The following ROPN1L variants were observed in gnomAD, a reference collection of about 807,000 sequenced individuals.
ROPN1L encodes the protein rhophilin associated tail protein 1 like.
A neutral mutation model predicts 22.7 loss-of-function variants in ROPN1L; 23 were observed. The observed-to-expected ratio is 1.01, with a 90% CI of 0.73 to 1.43. ROPN1L has a LOEUF of 1.43. Ranked by LOEUF, ROPN1L falls within the 40% of genes most tolerant of loss-of-function variation. The pLI is 0.00. For synonymous variants in ROPN1L, 116 were observed against 117.8 expected, an observed-to-expected ratio of 0.98 and a Z score of 0.10; for missense variants, 271 against 291.5, an observed-to-expected ratio of 0.93 and a Z score of 0.51.
chr5:10,462,574 G>A (rs1735054857), intron 4 of ROPN1L, among the ~76,000 whole-genome samples: 1 of 152,192 alleles, frequency 6.6e-6, no homozygotes, highest in African/African-American at 2.4e-5. Flanking sequence ...AGCATGTCAG[G>A]TGGTACTAAA....
At chr5:10,475,829 T>A (rs1050826667), downstream of ROPN1L, among the ~76,000 whole-genome samples, 1 of 152,142 alleles carries the variant, frequency 6.6e-6, no homozygotes, top group African/African-American at 2.4e-5. Context: ...AAGTAACAAA[T>A]CACACAGTGG....
chr5:10,450,665 T>G (rs945341807), intron 3 of ROPN1L, among the ~76,000 whole-genome samples: 2 of 152,122 alleles, frequency 1.3e-5, no homozygotes, highest in African/African-American at 4.8e-5. Flanking sequence ...CCACCATGCC[T>G]GGCTAATTTT....
chr5:10,457,675 C>T (rs1249720883), intron 3 of ROPN1L, among the ~76,000 whole-genome samples: 1 of 152,176 alleles, frequency 6.6e-6, no homozygotes, highest in East Asian at 1.9e-4. Context: ...CATTTTGTCC[C>T]ATAGCCTGGA....
chr5:10,474,686 A>G (rs985359280), downstream of ROPN1L, among the ~76,000 whole-genome samples: 9 of 152,246 alleles, frequency 5.9e-5, no homozygotes, highest in African/African-American at 2.2e-4. Flanking sequence ...TGGACGCTCC[A>G]CCCATGGAGA....
At chr5:10,445,637 G>A (rs1404439803) in intron 1 of ROPN1L, among the ~76,000 whole-genome samples, 2 of 152,182 alleles carry the variant, frequency 1.3e-5, no homozygotes, top group Non-Finnish European at 2.9e-5. Flanking sequence ...TATAGAACAA[G>A]CAAGTAGGCT....
the ROPN1L span, among the ~76,000 whole-genome samples, chr5:10,478,300 A>G: frequency 1.3e-5 from 2 of 152,224 alleles, no homozygotes; most frequent in African/African-American, 2.4e-5. Context: ...TCTGGCTCCC[A>G]GTTTCCCAGT....
the ROPN1L span, among the ~76,000 whole-genome samples, chr5:10,477,782 T>C: frequency 1.4e-4 from 22 of 151,980 alleles, no homozygotes; most frequent in Admixed American, 4.6e-4. Context: ...ATACAAAAAT[T>C]AGCTGGGTAT....
chr5:10,459,851 C>T (rs1266548376), intron 3 of ROPN1L, among the ~76,000 whole-genome samples: 1 of 152,220 alleles, frequency 6.6e-6, no homozygotes, highest in South Asian at 2.1e-4. Flanking sequence ...CATGAGCAGG[C>T]GTTAGGTGTC....
intron 3 of ROPN1L, among the ~76,000 whole-genome samples, chr5:10,451,920 C>T (rs987558432): frequency 6.9e-5 from 5 of 71,992 alleles, no homozygotes; most frequent in African/African-American, 2.1e-4. Context: ...TAATCTGGAA[C>T]TCTGTGAAAT....
chr5:10,471,495 A>G (rs147426656), intron 4 of ROPN1L, among the ~76,000 whole-genome samples: 380 of 152,266 alleles, frequency 2.5e-3, no homozygotes, highest in African/African-American at 8.7e-3. Context: ...GCGGCCTGTT[A>G]GGAATACTGG....
intron 1 of ROPN1L, among the ~76,000 whole-genome samples, chr5:10,446,380 C>T (rs1361401983): frequency 2.6e-5 from 4 of 152,048 alleles, no homozygotes; most frequent in Non-Finnish European, 2.9e-5. Flanking sequence ...GTCTCCAGGC[C>T]GGGTGCGGTG....
downstream of ROPN1L, among the ~76,000 whole-genome samples, chr5:10,469,751 A>G (rs569910782): frequency 4.6e-5 from 7 of 152,308 alleles, no homozygotes; most frequent in African/African-American, 1.7e-4. Context: ...TGTATTTTTC[A>G]TCTCTAAAGA....
chr5:10,450,584 C>T lies in ROPN1L; in HGVS notation c.417+471C>T, dbSNP rs1254856526. On this transcript the variant is annotated intron_variant, in intron 3 of 4. Coordinates refer to ENST00000274134, the MANE Select transcript of ROPN1L (RefSeq NM_031916.5). ...CGCAATCTCGGCTCACCGCAACCTC[C>T]GCCTCCCAGGTTCAAGCGATTCCCT... Among the ~76,000 whole-genome samples the T allele has an allele frequency of 4.6e-5, 7 of 152,112 alleles. 1 individual carries two copies. Among genetic ancestry groups the T allele is most frequent in the African/African-American group, 7.2e-5 (3 of 41,398 alleles).
At chr5:10,468,441 G>T (rs181087106), downstream of ROPN1L, among the ~76,000 whole-genome samples, 532 of 152,296 alleles carry the variant, frequency 3.5e-3, 2 homozygotes, top group African/African-American at 0.012. Context: ...TGTTGATTTT[G>T]ACTCTTCTTG....
At position 10,455,834 on chromosome 5, in the gene ROPN1L, G is replaced by C. The variant is rs112711457; in HGVS notation, c.418-5350G>C. Among the ~76,000 whole-genome samples the C allele has an allele frequency of 6.3e-4, 88 of 139,772 alleles. No homozygotes were observed. In the South Asian group the frequency reaches 9.4e-3, roughly 15 times the overall value. 91.7% of individuals were successfully genotyped at this position (139,772 alleles called of 152,430 possible). A position where few individuals can be genotyped will look rare whatever the true frequency, so the allele number is the denominator to read the frequency against. On this transcript the variant is annotated intron_variant, in intron 3 of 4. Coordinates refer to ENST00000274134, the MANE Select transcript of ROPN1L (RefSeq NM_031916.5). ...TCAGAGGCTTTTAAAAACCAGTGCT[G>C]GGTCAGAGGCTTTTAAAAACCAGTG...
chr5:10,482,466 A>G, the ROPN1L span, among the ~76,000 whole-genome samples: 18 of 152,324 alleles, frequency 1.2e-4, no homozygotes, highest in Admixed American at 1.0e-3. Context: ...TTTTGATAAC[A>G]TCAATGTCAT....
downstream of ROPN1L, among the ~76,000 whole-genome samples, chr5:10,466,433 G>A (rs566473699): frequency 2.6e-5 from 4 of 152,296 alleles, no homozygotes; most frequent in South Asian, 4.1e-4. Context: ...CCAGCTCAGC[G>A]TGCAACACAG....
chr5:10,482,331 G>A, the ROPN1L span: 4 of 151,888 alleles, frequency 2.6e-5, no homozygotes, highest in African/African-American at 7.3e-5. Context: ...AAACCTTTTC[G>A]AATGCTACTA....
At chr5:10,471,138 T>C (rs1457977748) in intron 4 of ROPN1L, among the ~76,000 whole-genome samples, 1 of 152,094 alleles carries the variant, frequency 6.6e-6, no homozygotes, top group African/African-American at 2.4e-5. Flanking sequence ...TTCTCTTTTC[T>C]TTTCTTTTTT....
Sources: allele counts gnomAD v4.1 joint callset (sites outside exome capture counted in the v4.1 genomes callset), GRCh38; gene constraint gnomAD v4.1.1; transcripts MANE v1.5; gene names NCBI Gene and HGNC (gene_info 2026-07-23, HGNC 2026-07-21).